MTUS2: variants seen among roughly 807,000 people sequenced by gnomAD.
The protein encoded by MTUS2 is microtubule associated scaffold protein 2, also known as microtubule-associated tumor suppressor candidate 2.
In MTUS2, 40 loss-of-function variants were observed where a neutral mutation model predicts 114.1. That is an observed-to-expected ratio of 0.35 (90% CI 0.27 to 0.46). The LOEUF (loss-of-function observed/expected upper bound fraction) is 0.46, where lower values mean the gene tolerates loss of function less well. MTUS2 is among the 20% of genes least tolerant of loss of function. The pLI is 1.00. For synonymous variants in MTUS2, 688 were observed against 672.0 expected, an observed-to-expected ratio of 1.02 and a Z score of -0.37; for missense variants, 1,679 against 1,705.4, an observed-to-expected ratio of 0.98 and a Z score of 0.27.
chr13:28,980,156 A>T (rs1448878367), intron 2 of MTUS2, among the ~76,000 whole-genome samples: 26 of 152,254 alleles, frequency 1.7e-4, no homozygotes, highest in Admixed American at 1.7e-3. Context: ...TTTAAAAGGT[A>T]AATGTATTGA....
intron 8 of MTUS2, among the ~76,000 whole-genome samples, chr13:29,409,888 G>A (rs146433525): frequency 1.3e-5 from 2 of 150,702 alleles, no homozygotes; most frequent in Admixed American, 1.3e-4. Context: ...CATTTAGGTT[G>A]GATTTTAATA....
chr13:28,860,413 GA>G (rs1876897106), intron 2 of MTUS2, among the ~76,000 whole-genome samples: 1 of 152,184 alleles, frequency 6.6e-6, no homozygotes, highest in Admixed American at 6.5e-5. Context: ...CACCAGGCCG[GA>G]ATGTGGGATT....
At chr13:29,386,571 G>C (rs749285419) in intron 8 of MTUS2, among the ~76,000 whole-genome samples, 2 of 152,240 alleles carry the variant, frequency 1.3e-5, no homozygotes, top group Non-Finnish European at 2.9e-5. Flanking sequence ...CCTCAAGGAG[G>C]AGGCCTGGTT....
At chr13:29,268,834 A>G (rs561657698) in intron 5 of MTUS2, among the ~76,000 whole-genome samples, 156 of 152,172 alleles carry the variant, frequency 1.0e-3, no homozygotes, top group South Asian at 2.5e-3. Context: ...GGCTTCAGCA[A>G]TCCTCCTACC....
intron 7 of MTUS2, among the ~76,000 whole-genome samples, chr13:29,339,285 A>G (rs1268725073): frequency 6.6e-6 from 1 of 151,960 alleles, no homozygotes; most frequent in African/African-American, 2.4e-5. Context: ...GCTGCTGGAG[A>G]GTGGAGGCTT....
intron 4 of MTUS2, among the ~76,000 whole-genome samples, chr13:29,082,510 ACCT>A (rs1555233876): frequency 1.3e-5 from 2 of 151,964 alleles, no homozygotes; most frequent in Non-Finnish European, 2.9e-5. Flanking sequence ...TAAAGGGGTG[ACCT>A]CCTCCAGCAC....
At chr13:29,141,756 C>G (rs1892229344) in intron 5 of MTUS2, among the ~76,000 whole-genome samples, 1 of 152,054 alleles carries the variant, frequency 6.6e-6, no homozygotes, top group Admixed American at 6.5e-5. Context: ...AAAATTTGTG[C>G]AAAACACTGT....
chr13:29,366,194 C>G (rs535055064), intron 8 of MTUS2, among the ~76,000 whole-genome samples: 1 of 152,286 alleles, frequency 6.6e-6, no homozygotes, highest in South Asian at 2.1e-4. Context: ...GTTTAATGAA[C>G]TCACAGTTCC....
chr13:29,209,863 T>C (rs941567839), intron 5 of MTUS2, among the ~76,000 whole-genome samples: 8 of 152,228 alleles, frequency 5.3e-5, no homozygotes, highest in African/African-American at 1.7e-4. Flanking sequence ...CTTTTAAGAT[T>C]CTTTCCTTGT....
intron 2 of MTUS2, among the ~76,000 whole-genome samples, chr13:28,841,422 G>A (rs548864202): frequency 4.0e-4 from 61 of 152,332 alleles, no homozygotes; most frequent in African/African-American, 1.3e-3. Flanking sequence ...AGGTTGTGGG[G>A]TGGTGAGGAT....
rs1876328150 is a variant in MTUS2 at position 28,852,290 on chromosome 13, C to G, written c.-243+12440C>G. ...ATTACATACTCCTTTGTTCATCTGTCTCTCCAGTTGGATTGGAAGCTCTGG... is the reference window on the plus strand; with the variant it reads ...ATTACATACTCCTTTGTTCATCTGTGTCTCCAGTTGGATTGGAAGCTCTGG... On this transcript the variant is annotated intron_variant, in intron 2 of 15. Transcript: ENST00000612955. 2.6e-5 allele frequency among the ~76,000 whole-genome samples: 4 copies of G among 152,176 alleles called. No individual in the cohort carries two copies. The South Asian group carries it at 8.3e-4, about 32-fold the overall frequency.
At chr13:29,360,385 T>G (rs543893472) in intron 8 of MTUS2, among the ~76,000 whole-genome samples, 1 of 152,174 alleles carries the variant, frequency 6.6e-6, no homozygotes, top group Non-Finnish European at 1.5e-5. Context: ...TTTTGGCCTT[T>G]TATGACATCC....
At chr13:29,425,486 A>G (rs1349217040) in intron 8 of MTUS2, among the ~76,000 whole-genome samples, 1 of 152,200 alleles carries the variant, frequency 6.6e-6, no homozygotes, top group East Asian at 1.9e-4. Flanking sequence ...ACAAGTGAAA[A>G]TAAGGTAACA....
At chr13:29,448,573 C>T (rs2138723233) in intron 9 of MTUS2, among the ~76,000 whole-genome samples, 1 of 151,834 alleles carries the variant, frequency 6.6e-6, no homozygotes, top group Admixed American at 6.6e-5. Context: ...AAAGCTGCCT[C>T]CTGTGCCTGT....
intron 4 of MTUS2, among the ~76,000 whole-genome samples, chr13:29,048,154 T>C (rs775173219): frequency 6.6e-6 from 1 of 152,242 alleles, no homozygotes; most frequent in Non-Finnish European, 1.5e-5. Flanking sequence ...TCTAATCTAC[T>C]CTTCATCCTT....
chr13:29,326,990 T>G (rs1900546032), intron 7 of MTUS2, among the ~76,000 whole-genome samples: 1 of 151,850 alleles, frequency 6.6e-6, no homozygotes, highest in African/African-American at 2.4e-5. Flanking sequence ...AAAAAAGAAA[T>G]AAAATAAAAT....
intron 2 of MTUS2, among the ~76,000 whole-genome samples, chr13:28,910,750 A>G (rs892082512): frequency 2.7e-5 from 4 of 148,152 alleles, no homozygotes; most frequent in African/African-American, 1.0e-4. Flanking sequence ...CATAATGTAT[A>G]TGTATCACAT....
At chr13:29,016,414 CTTTT>C (rs1886069463) in intron 2 of MTUS2, among the ~76,000 whole-genome samples, 1 of 149,370 alleles carries the variant, frequency 6.7e-6, no homozygotes, top group Non-Finnish European at 1.5e-5. Flanking sequence ...AATGAAACTT[CTTTT>C]GGAGAAATAT....
chr13:29,337,478 A>C (rs1481245000), intron 7 of MTUS2, among the ~76,000 whole-genome samples: 1 of 152,130 alleles, frequency 6.6e-6, no homozygotes, highest in Non-Finnish European at 1.5e-5. Flanking sequence ...GGCTGCACCC[A>C]CTGTCTAACC....
Sources: allele counts gnomAD v4.1 joint callset (sites outside exome capture counted in the v4.1 genomes callset), GRCh38; gene constraint gnomAD v4.1.1; transcripts MANE v1.5; gene names NCBI Gene and HGNC (gene_info 2026-07-23, HGNC 2026-07-21).